CLEC12A: variants seen among roughly 807,000 people sequenced by gnomAD.
CLEC12A encodes C-type lectin domain family 12 member A.
CLEC12A carries 22 observed loss-of-function variants against 26.5 expected under a neutral mutation model. That is an observed-to-expected ratio of 0.83 (90% CI 0.59 to 1.19). CLEC12A has a LOEUF of 1.19. Ranked by LOEUF, CLEC12A falls within the 50% of genes most tolerant of loss-of-function variation. CLEC12A has a pLI of 0.00. For missense variants in CLEC12A, 353 were observed against 315.6 expected, an observed-to-expected ratio of 1.12 and a Z score of -0.90; for synonymous variants, 119 against 101.9, an observed-to-expected ratio of 1.17 and a Z score of -1.01.
chr12:10,004,360 G>T, the CLEC12A span, among the ~76,000 whole-genome samples: 1 of 152,224 alleles, frequency 6.6e-6, no homozygotes, highest in African/African-American at 2.4e-5. Context: ...AAGGATGAAT[G>T]TGGGGGTTTT....
intron 1 of CLEC12A, among the ~76,000 whole-genome samples, chr12:9,977,378 C>T (rs1016982254): frequency 1.3e-5 from 2 of 152,156 alleles, no homozygotes; most frequent in Non-Finnish European, 2.9e-5. Flanking sequence ...CTAACTTATT[C>T]TGGCTAGAAA....
chr12:9,976,915 T>C (rs1268611656), intron 1 of CLEC12A, among the ~76,000 whole-genome samples: 1 of 152,174 alleles, frequency 6.6e-6, no homozygotes, highest in African/African-American at 2.4e-5. Flanking sequence ...GCACAAGTTC[T>C]TTCTTCTCTT....
At chr12:9,997,105 C>A (rs1865070555), downstream of CLEC12A, 5 of 1,609,678 alleles carry the variant, frequency 3.1e-6, no homozygotes, top group Non-Finnish European at 4.2e-6. Flanking sequence ...CAGTTGCCAT[C>A]AGAGAAATGC....
chr12:9,980,745 G>T lies in CLEC12A; in HGVS notation c.531+12G>T. The T allele has an allele frequency of 2.5e-6, 4 of 1,612,684 alleles. No individual in the cohort carries two copies. Among genetic ancestry groups the T allele is most frequent in the South Asian group, 2.2e-5 (2 of 90,954 alleles). On this transcript the variant is annotated intron_variant, in intron 4 of 5. Coordinates refer to ENST00000304361, the MANE Select transcript of CLEC12A (RefSeq NM_138337.6). ...ACAAAAATGCATTGGTAAAGCCCAG[G>T]TGTTTCTACCATCATGGGATAGAGA...
At chr12:9,966,163 C>T (rs2594084) in intron 1 of CLEC12A, among the ~76,000 whole-genome samples, 145,152 of 152,186 alleles carry the variant, frequency 0.95, 69,263 homozygotes, top group East Asian at 0.99. Context: ...TCAGTACTTA[C>T]AACAGTTATG....
At chr12:10,001,354 A>G in the CLEC12A span, among the ~76,000 whole-genome samples, 1 of 152,168 alleles carries the variant, frequency 6.6e-6, no homozygotes, top group Non-Finnish European at 1.5e-5. Flanking sequence ...CCGCCTTTGA[A>G]GATATTCCTT....
rs7957464 is a variant in CLEC12A, at chr12:9,951,690, C to A, written c.10+334C>A. Reference sequence around the variant, plus strand: ...CTCTCTTGGGACTTGCTTATTGTTGCAGCAGTTAGATTGTATTCTGGTGGT... The same window carrying A: ...CTCTCTTGGGACTTGCTTATTGTTGAAGCAGTTAGATTGTATTCTGGTGGT... On this transcript the variant is annotated intron_variant, in intron 1 of 6. Transcript: ENST00000355690. The A allele has an allele frequency of 5.3e-4, 175 of 329,860 alleles. 1 individual carries two copies. The highest frequency in any genetic ancestry group is 9.4e-4 in the Non-Finnish European group (162 of 171,682). The allele number at this position is 329,860 out of a possible 1,614,324, so 20.4% of individuals were successfully genotyped here. A position where few individuals can be genotyped will look rare whatever the true frequency, so the allele number is the denominator to read the frequency against.
chr12:9,956,905 G>C (rs1863750154), intron 1 of CLEC12A, among the ~76,000 whole-genome samples: 1 of 152,160 alleles, frequency 6.6e-6, no homozygotes, highest in Admixed American at 6.5e-5. Context: ...AAAAGTATAA[G>C]TTACCAGTGG....
upstream of CLEC12A, among the ~76,000 whole-genome samples, chr12:9,967,441 A>C (rs1483426333): frequency 6.6e-6 from 1 of 152,200 alleles, no homozygotes. Flanking sequence ...GTCAAGTGGC[A>C]TTGCAGAAGA....
At chr12:9,986,515 T>C (rs80301234), downstream of CLEC12A, among the ~76,000 whole-genome samples, 19 of 150,424 alleles carry the variant, frequency 1.3e-4, no homozygotes, top group East Asian at 3.2e-3. Flanking sequence ...TAATTTTGCA[T>C]AAAAGGCAGC....
chr12:9,962,253 C>CTTTTTTTTTTTTT (rs71049021), intron 1 of CLEC12A, among the ~76,000 whole-genome samples: 4 of 119,254 alleles, frequency 3.4e-5, no homozygotes, highest in South Asian at 2.8e-4. Context: ...CCGGTTTTTT[C>CTTTTTTTTTTTTT]TTTTTTTTTT....
chr12:10,003,907 C>A, the CLEC12A span, among the ~76,000 whole-genome samples: 1 of 152,090 alleles, frequency 6.6e-6, no homozygotes, highest in South Asian at 2.1e-4. Flanking sequence ...CAGAGCCAGA[C>A]CATCTCAAAA....
downstream of CLEC12A, among the ~76,000 whole-genome samples, chr12:9,988,231 T>G (rs943082993): frequency 1.3e-5 from 2 of 152,082 alleles, no homozygotes; most frequent in African/African-American, 4.8e-5. Flanking sequence ...CCTATACTGT[T>G]CTCATGTTAG....
At chr12:9,968,928 T>C (rs902860605), upstream of CLEC12A, among the ~76,000 whole-genome samples, 2 of 152,022 alleles carry the variant, frequency 1.3e-5, no homozygotes, top group African/African-American at 4.8e-5. Flanking sequence ...TAGAAGGAAA[T>C]GAAATCCTGT....
At chr12:9,964,850 C>A (rs564690064) in intron 1 of CLEC12A, among the ~76,000 whole-genome samples, 3 of 151,478 alleles carry the variant, frequency 2.0e-5, no homozygotes, top group Admixed American at 2.0e-4. Flanking sequence ...GTGAGGAACA[C>A]GAAAGAAGGA....
chr12:9,984,744 T>C (rs1305473988), intron 5 of CLEC12A, 126 bp from the exon 6 acceptor site: 1 of 832,772 alleles, frequency 1.2e-6, no homozygotes, highest in African/African-American at 1.8e-5. Context: ...GAACATTAAA[T>C]TAGATTTAGT....
intron 1 of CLEC12A, among the ~76,000 whole-genome samples, chr12:9,973,292 G>A (rs1053725525): frequency 2.0e-5 from 3 of 150,246 alleles, no homozygotes; most frequent in Admixed American, 6.6e-5. Flanking sequence ...GATATGCCAT[G>A]TCTATAAAAA....
the CLEC12A span, among the ~76,000 whole-genome samples, chr12:10,003,969 C>T: frequency 6.6e-6 from 1 of 151,984 alleles, no homozygotes; most frequent in Admixed American, 6.6e-5. Flanking sequence ...TCTAATCCAC[C>T]CAGTGTGATT....
rs1864721596 is a variant in CLEC12A at position 9,985,058 on chromosome 12, G to A, written c.*32G>A. On this transcript the variant is annotated 3_prime_UTR_variant, in exon 6 of 6. Transcript: ENST00000304361. ...AATCAAATACATTTAAGGAGTGTAG[G>A]GGGTGGGGGTTCTAGGCTATAGGTA... The A allele has an allele frequency of 1.4e-6, 2 of 1,410,462 alleles. No homozygotes were observed. Among genetic ancestry groups the A allele is most frequent in the East Asian group, 2.8e-5 (1 of 35,972 alleles). 87.4% of individuals were successfully genotyped at this position (1,410,462 alleles called of 1,614,324 possible). A position where few individuals can be genotyped will look rare whatever the true frequency, so the allele number is the denominator to read the frequency against.
Sources: allele counts gnomAD v4.1 joint callset (sites outside exome capture counted in the v4.1 genomes callset), GRCh38; gene constraint gnomAD v4.1.1; transcripts MANE v1.5; gene names NCBI Gene and HGNC (gene_info 2026-07-23, HGNC 2026-07-21).